The following SDS variants were observed in gnomAD, a reference collection of about 807,000 sequenced individuals.
The protein encoded by SDS is serine dehydratase, also known as L-serine dehydratase/L-threonine deaminase.
A neutral mutation model predicts 29.3 loss-of-function variants in SDS; 19 were observed. The observed-to-expected ratio is 0.65, with a 90% CI of 0.45 to 0.95. The LOEUF (loss-of-function observed/expected upper bound fraction) is 0.95, where lower values mean the gene tolerates loss of function less well. SDS is among the 40% of genes least tolerant of loss of function. The pLI is 0.00. For missense variants in SDS, 375 were observed against 439.9 expected, an observed-to-expected ratio of 0.85 and a Z score of 1.32; for synonymous variants, 176 against 189.0, an observed-to-expected ratio of 0.93 and a Z score of 0.56.
At position 113,394,088 on chromosome 12, in the gene SDS, A is replaced by C. The variant is rs908010544; in HGVS notation, c.654-72T>G. ...GAGAGAGATGGGGGCAGGGAGGGAGAGAAGGAGATGGATGTGAGACAGAGA... is the reference window on the plus strand; with the variant it reads ...GAGAGAGATGGGGGCAGGGAGGGAGCGAAGGAGATGGATGTGAGACAGAGA... On this transcript the variant is annotated intron_variant, in intron 6 of 7. Transcript: ENST00000257549. 9.6e-5 allele frequency: 141 copies of C among 1,470,712 alleles called. 3 individuals are homozygous for C. The Admixed American group carries it at 2.5e-3, about 26-fold the overall frequency. 91.1% of individuals were successfully genotyped at this position (1,470,712 alleles called of 1,614,324 possible). A position where few individuals can be genotyped will look rare whatever the true frequency, so the allele number is the denominator to read the frequency against.
intron 6 of SDS, 96 bp downstream of exon 6, chr12:113,397,069 G>C (rs1431503280): frequency 4.5e-6 from 5 of 1,104,128 alleles, no homozygotes; most frequent in African/African-American, 1.5e-5. Flanking sequence ...TCTCATCTGT[G>C]AAACAGGCTG....
intron 1 of SDS, among the ~76,000 whole-genome samples, chr12:113,400,428 G>A (rs1012643170): frequency 2.0e-5 from 3 of 151,680 alleles, no homozygotes; most frequent in African/African-American, 4.8e-5. Flanking sequence ...GGCCAAGATC[G>A]AGCCACTGCA....
intron 6 of SDS, among the ~76,000 whole-genome samples, chr12:113,394,633 C>T (rs903096273): frequency 1.3e-5 from 2 of 152,270 alleles, no homozygotes; most frequent in East Asian, 3.9e-4. Context: ...AGCCACCATG[C>T]CCGACCCCAG....
At position 113,399,543 on chromosome 12, in the gene SDS, C is replaced by T. The variant is rs1236784802; in HGVS notation, c.153+13G>A. The T allele has an allele frequency of 1.9e-6, 3 of 1,555,030 alleles. No homozygotes were observed. Among genetic ancestry groups the T allele is most frequent in the South Asian group, 2.4e-5 (2 of 82,062 alleles). On this transcript the variant is annotated intron_variant, in intron 2 of 7. Coordinates refer to ENST00000257549, the MANE Select transcript of SDS (RefSeq NM_006843.3). ...GCCACCCCTGCCCAGATAATGCTGA[C>T]CCGGTCCCGTACCCTCTTGCAGAAG...
intron 7 of SDS, among the ~76,000 whole-genome samples, chr12:113,393,479 A>G (rs1036819955): frequency 7.2e-5 from 11 of 152,220 alleles, no homozygotes; most frequent in African/African-American, 2.7e-4. Context: ...CATAAATGGT[A>G]CTATTTTTTT....
rs34607566 is a variant in SDS at position 113,397,257 on chromosome 12, G to A, written c.561C>T (p.Asp187=). Residue 187 remains aspartate, a synonymous_variant, in exon 6 of 8, where the codon GAC becomes GAT. Transcript: ENST00000257549. ...AAGTCTCCATGGCGATGACAGGCACGTCCCCCCAGCCCACCTCCTGCAGCC... is the reference window on the plus strand; with the variant it reads ...AAGTCTCCATGGCGATGACAGGCACATCCCCCCAGCCCACCTCCTGCAGCC... ...VQGLQEVGWG[D]VPVIAMETFG... 1.5e-4 allele frequency: 236 copies of A among 1,614,174 alleles called. 2 individuals are homozygous for A. The African/African-American group carries it at 2.8e-3, about 19-fold the overall frequency.
At chr12:113,396,554 C>CTTCCTTCT (rs1957647393) in intron 6 of SDS, 6 of 71,686 alleles carry the variant, frequency 8.4e-5, no homozygotes, top group Non-Finnish European at 1.4e-4. Flanking sequence ...CCCTTCCTTC[C>CTTCCTTCT]TTCCTTCCTT....
chr12:113,398,317 C>T (rs1957661016), intron 5 of SDS, among the ~76,000 whole-genome samples, 198 bp downstream of exon 5: 1 of 152,152 alleles, frequency 6.6e-6, no homozygotes, highest in South Asian at 2.1e-4. Context: ...GTGATCCTCC[C>T]ACCTTGGCCT....
At chr12:113,398,967 G>T in intron 3 of SDS, 121 bp from the exon 4 acceptor site, 1 of 1,523,254 alleles carries the variant, frequency 6.6e-7, no homozygotes. Context: ...CTGGGCGACT[G>T]CTGGCCTCCC....
intron 7 of SDS, among the ~76,000 whole-genome samples, chr12:113,393,418 C>T (rs139304972): frequency 2.2e-3 from 336 of 152,370 alleles, no homozygotes; most frequent in Non-Finnish European, 3.7e-3. Context: ...GAGGCATCAT[C>T]TGAGCAAGAG....
intron 1 of SDS, among the ~76,000 whole-genome samples, chr12:113,402,576 A>G (rs556329284): frequency 2.9e-4 from 44 of 152,324 alleles, no homozygotes; most frequent in African/African-American, 1.1e-3. Context: ...TACAGGCGTG[A>G]GCCACCACAC....
chr12:113,402,294 G>T (rs944028374), intron 1 of SDS, among the ~76,000 whole-genome samples: 1 of 152,058 alleles, frequency 6.6e-6, no homozygotes, highest in South Asian at 2.1e-4. Flanking sequence ...TGGGATCCCG[G>T]TTTTTATTTA....
At chr12:113,396,069 A>G (rs1337014751) in intron 6 of SDS, among the ~76,000 whole-genome samples, 1 of 152,236 alleles carries the variant, frequency 6.6e-6, no homozygotes, top group Non-Finnish European at 1.5e-5. Context: ...ATTGCACTCC[A>G]GCTTGGGCAA....
intron 5 of SDS, among the ~76,000 whole-genome samples, chr12:113,398,243 G>A (rs1216984052): frequency 1.3e-5 from 2 of 151,990 alleles, no homozygotes; most frequent in Non-Finnish European, 1.5e-5. Context: ...GGTAATTTTT[G>A]TATTTTTAGT....
chr12:113,399,045 CAG>C, intron 3 of SDS, 65 bp downstream of exon 3: 1 of 1,597,012 alleles, frequency 6.3e-7, no homozygotes, highest in Non-Finnish European at 8.6e-7. Flanking sequence ...AACCAGGGCT[CAG>C]AGAAGCAGAG....
chr12:113,398,782 C>T lies in SDS; in HGVS notation c.258G>A (p.Val86=). 1 of 1,614,070 alleles carries T rather than the reference C, an allele frequency of 6.2e-7. No individual in the cohort carries two copies. The highest frequency in any genetic ancestry group is 2.2e-5 in the East Asian group (1 of 44,880). ...TGAGAGCAGGTGTGGTGCTGGGCAC[C>T]ACGATGGTGGCGGGGACGCCGAGTT... ...ARQLGVPATI[V]VPSTTPALTI... The change falls in exon 4 of 8, where the codon GTG becomes GTA. Residue 86 remains valine (V), a synonymous_variant. Coordinates refer to ENST00000257549, the MANE Select transcript of SDS (RefSeq NM_006843.3).
intron 1 of SDS, among the ~76,000 whole-genome samples, chr12:113,402,216 A>G (rs911641868): frequency 1.3e-5 from 2 of 152,194 alleles, no homozygotes; most frequent in Non-Finnish European, 2.9e-5. Context: ...AGACTGGGGC[A>G]AACTTCAAAA....
Position 113,396,483 on chromosome 12 carries a change from C to T in SDS, c.653+682G>A, listed in dbSNP as rs373784565. On this transcript the variant is annotated intron_variant, in intron 6 of 7. Coordinates refer to ENST00000257549, the MANE Select transcript of SDS (RefSeq NM_006843.3). ...TCTTTCTCCTTTTTTCTTTCTTTCT[C>T]TCTCTTTCTTTCCTCTTCCTTTCTC... Among the ~76,000 whole-genome samples the T allele has an allele frequency of 3.3e-4, 5 of 15,076 alleles. 1 individual carries two copies. The South Asian group carries it at 0.012, about 35-fold the overall frequency. The allele number at this position is 15,076 out of a possible 152,430, so 9.9% of individuals were successfully genotyped here.
chr12:113,397,982 G>A (rs146700201), intron 5 of SDS, among the ~76,000 whole-genome samples: 1 of 152,022 alleles, frequency 6.6e-6, no homozygotes, highest in Admixed American at 6.6e-5. Context: ...TGGGTGTGTT[G>A]CATGTGCAGC....
Sources: gnomAD v4.1 joint callset for allele counts (sites outside exome capture counted in the v4.1 genomes callset) on GRCh38, gnomAD v4.1.1 for gene constraint, MANE v1.5 for transcripts, NCBI Gene and HGNC (gene_info 2026-07-23, HGNC 2026-07-21) for gene names.